Variants in ABCA13 observed in about 807,000 individuals in gnomAD.
ABCA13 encodes ATP-binding cassette sub-family A member 13.
A neutral mutation model predicts 478.7 loss-of-function variants in ABCA13; 476 were observed. That is an observed-to-expected ratio of 0.99 (90% confidence interval 0.92 to 1.07). ABCA13 has a LOEUF of 1.07. ABCA13 is among the 50% of genes least tolerant of loss of function. The probability of loss-of-function intolerance (pLI) is 0.00; values close to 1 mark genes in which losing one functional copy is unlikely to be tolerated. For missense variants in ABCA13, 6,060 were observed against 5,910.6 expected, an observed-to-expected ratio of 1.03 and a Z score of -0.83; for synonymous variants, 2,252 against 2,158.9, an observed-to-expected ratio of 1.04 and a Z score of -1.20.
chr7:48,198,340 G>GC lies in ABCA13; in HGVS notation c.267_268insC (p.Ser90LeufsTer10). 1 of 1,613,680 alleles carries GC rather than the reference G, an allele frequency of 6.2e-7. No homozygotes were observed. The highest frequency in any genetic ancestry group is 8.5e-7 in the Non-Finnish European group (1 of 1,179,804). On this transcript the variant is annotated frameshift_variant, in exon 3 of 62. Coordinates refer to ENST00000435803, the MANE Select transcript of ABCA13 (RefSeq NM_152701.5). LOFTEE classifies it high-confidence loss of function. ...GGTGTAGGAACTTCAGCTATGAAGG[G>GC]TCAATGGAGCATCATTTTCGGTAAG...
chr7:48,574,766 A>G (rs1788008841), intron 55 of ABCA13, among the ~76,000 whole-genome samples: 1 of 152,150 alleles, frequency 6.6e-6, no homozygotes, highest in Non-Finnish European at 1.5e-5. Flanking sequence ...TGTGACTAAT[A>G]TTTCGAGGAA....
chr7:48,317,268 C>G lies in ABCA13; in HGVS notation c.9971C>G (p.Thr3324Ser). 6.2e-7 allele frequency: 1 copy of G among 1,613,410 alleles called. No homozygotes were observed. Among genetic ancestry groups the G allele is most frequent in the Non-Finnish European group, 8.5e-7 (1 of 1,179,776 alleles). The change falls in exon 27 of 62, where the codon ACT becomes AGT. Residue 3324 changes from threonine (T) to serine (S), a missense_variant. Thr to Ser is a moderately conservative substitution (Grantham distance 58). Transcript: ENST00000435803. ...LHGKILYTPN[T>S]PEINKVIQKA... ...GGAAAAATACTATACACACCAAACA[C>G]TCCAGAAATTAACAAGGTCATTCAA...
chr7:48,484,585 G>A (rs1829103204), intron 47 of ABCA13, among the ~76,000 whole-genome samples: 1 of 152,158 alleles, frequency 6.6e-6, no homozygotes, highest in South Asian at 2.1e-4. Context: ...GCTTTGAAGT[G>A]TCTGAGGCAC....
chr7:48,339,947 A>C (rs925165376), intron 29 of ABCA13, among the ~76,000 whole-genome samples: 7 of 152,070 alleles, frequency 4.6e-5, no homozygotes, highest in African/African-American at 1.7e-4. Context: ...ACCTTACTGC[A>C]TGCACCCTTT....
At chr7:48,367,981 A>G in intron 32 of ABCA13, 73 bp downstream of exon 32, 2 of 1,172,228 alleles carry the variant, frequency 1.7e-6, no homozygotes, top group Admixed American at 2.3e-5. Flanking sequence ...ATCTTGTCCC[A>G]TAACCAACCT....
chr7:48,631,110 T>C (rs1265944895), intron 59 of ABCA13, among the ~76,000 whole-genome samples: 2 of 151,954 alleles, frequency 1.3e-5, no homozygotes, highest in East Asian at 1.9e-4. Flanking sequence ...TGTCTTTTTA[T>C]TTTTAACTCT....
chr7:48,388,554 G>C (rs1815544171), intron 36 of ABCA13, among the ~76,000 whole-genome samples: 2 of 152,186 alleles, frequency 1.3e-5, no homozygotes, highest in Non-Finnish European at 2.9e-5. Context: ...AAATAGAGAT[G>C]CATCACTCAG....
intron 59 of ABCA13, among the ~76,000 whole-genome samples, chr7:48,621,668 A>T (rs1156577945): frequency 6.6e-6 from 1 of 152,224 alleles, no homozygotes; most frequent in African/African-American, 2.4e-5. Context: ...CTAAGTAGTT[A>T]AACAATGATT....
At chr7:48,451,156 C>T (rs1824979350) in intron 42 of ABCA13, among the ~76,000 whole-genome samples, 1 of 151,882 alleles carries the variant, frequency 6.6e-6, no homozygotes, top group African/African-American at 2.4e-5. Context: ...CACCACCATG[C>T]CTGGCTAATT....
intron 17 of ABCA13, among the ~76,000 whole-genome samples, chr7:48,277,195 T>A (rs1043950916): frequency 6.6e-5 from 10 of 152,144 alleles, no homozygotes; most frequent in Non-Finnish European, 1.5e-4. Context: ...TGAGTAAGTC[T>A]GCAATCAGTA....
intron 55 of ABCA13, among the ~76,000 whole-genome samples, chr7:48,563,068 T>A (rs951368506): frequency 6.6e-6 from 1 of 152,152 alleles, no homozygotes; most frequent in African/African-American, 2.4e-5. Flanking sequence ...CATGATCATT[T>A]AAAATATTTT....
chr7:48,582,313 C>G (rs1788780557), intron 56 of ABCA13, among the ~76,000 whole-genome samples: 1 of 152,124 alleles, frequency 6.6e-6, no homozygotes, highest in African/African-American at 2.4e-5. Flanking sequence ...ATTAACAGTT[C>G]AGTCTTATTT....
At chr7:48,214,397 A>T (rs1033133837) in intron 3 of ABCA13, among the ~76,000 whole-genome samples, 2 of 152,202 alleles carry the variant, frequency 1.3e-5, no homozygotes, top group African/African-American at 4.8e-5. Flanking sequence ...ACTTAAGGTC[A>T]CCAGCTGTGT....
chr7:48,315,317 T>C (rs1468891228), intron 26 of ABCA13, among the ~76,000 whole-genome samples: 1 of 152,194 alleles, frequency 6.6e-6, no homozygotes, highest in Non-Finnish European at 1.5e-5. Context: ...ATGTCGGGAT[T>C]TCTGAGTTAA....
intron 59 of ABCA13, among the ~76,000 whole-genome samples, chr7:48,638,027 G>T (rs1388218737): frequency 6.6e-6 from 1 of 152,190 alleles, no homozygotes; most frequent in Non-Finnish European, 1.5e-5. Context: ...GGCTTTCACA[G>T]CCAGAATAGG....
chr7:48,557,071 C>G (rs963830059), intron 55 of ABCA13, among the ~76,000 whole-genome samples: 1 of 151,968 alleles, frequency 6.6e-6, no homozygotes, highest in African/African-American at 2.4e-5. Flanking sequence ...CAAAAGGAAA[C>G]TACTAAAAAC....
chr7:48,516,764 CTT>C lies in ABCA13; in HGVS notation c.13683_13684del (p.Ser4562GlnfsTer37), dbSNP rs1832149266. ...LPWMYLMSRI[F>X]SSSDVAFISY... ...CATGGATGTACCTGATGTCCAGAAT[CTT>C]TTCCAGTTCGGACGTGGCTTTCATT... On this transcript the variant is annotated frameshift_variant, in exon 52 of 62. Transcript: ENST00000435803. LOFTEE classifies it high-confidence loss of function. 11 of 1,613,814 alleles carry C rather than the reference CTT, an allele frequency of 6.8e-6. No individual in the cohort carries two copies. In the Admixed American group the frequency reaches 1.7e-4, roughly 24 times the overall value.
chr7:48,227,535 T>A, intron 6 of ABCA13, 110 bp downstream of exon 6: 3 of 1,292,196 alleles, frequency 2.3e-6, no homozygotes, highest in South Asian at 1.5e-5. Context: ...AACCTCACAA[T>A]AATGTTACCT....
intron 52 of ABCA13, 26 bp from the exon 53 acceptor site, chr7:48,520,015 T>A (rs993536729): frequency 3.8e-6 from 6 of 1,571,530 alleles, no homozygotes; most frequent in Middle Eastern, 1.7e-4. Context: ...TTTAATTGGA[T>A]TTTTTTTCTT....
Sources: gnomAD v4.1 joint callset for allele counts (sites outside exome capture counted in the v4.1 genomes callset) on GRCh38, gnomAD v4.1.1 for gene constraint, MANE v1.5 for transcripts, NCBI Gene and HGNC (gene_info 2026-07-23, HGNC 2026-07-21) for gene names.